Variants in SLC9B1 observed in about 807,000 individuals in gnomAD.
SLC9B1 encodes the protein sodium/hydrogen exchanger 9B1.
In SLC9B1, 32 loss-of-function variants were observed where a neutral mutation model predicts 51.7. That is an observed-to-expected ratio of 0.62 (90% CI 0.47 to 0.83). The LOEUF (loss-of-function observed/expected upper bound fraction) is 0.83. Among genes scored for constraint, SLC9B1 ranks in the 40% least tolerant of loss-of-function variants. The pLI, the probability that SLC9B1 is intolerant of heterozygous loss-of-function variation, is 0.00. For missense variants in SLC9B1, 406 were observed against 613.2 expected (o/e 0.66, Z 3.57); for synonymous variants, 145 against 212.7 (o/e 0.68, Z 2.77).
intron 1 of SLC9B1, among the ~76,000 whole-genome samples, chr4:102,996,080 G>T (rs931717062): frequency 5.9e-5 from 9 of 152,050 alleles, no homozygotes; most frequent in African/African-American, 1.9e-4. Flanking sequence ...GTCAACTTTA[G>T]TATTGTCTCT....
At chr4:102,941,406 CT>C (rs1375921154) in intron 6 of SLC9B1, 1 of 450,050 alleles carries the variant, frequency 2.2e-6, no homozygotes, top group African/African-American at 2.0e-5. Flanking sequence ...TTCAACATCA[CT>C]AACATTAGAG....
At chr4:102,925,457 C>G (rs1437947095) in intron 7 of SLC9B1, among the ~76,000 whole-genome samples, 1 of 151,938 alleles carries the variant, frequency 6.6e-6, no homozygotes, top group African/African-American at 2.4e-5. Context: ...ATGTAAATGA[C>G]GAGTTAATGG....
chr4:102,991,859 C>T (rs953736863), intron 1 of SLC9B1, 147 bp from the exon 2 acceptor site: 23 of 531,244 alleles, frequency 4.3e-5, no homozygotes, highest in African/African-American at 3.9e-4. Context: ...TTATAGTCAA[C>T]ATAGATCCAA....
chr4:102,975,932 T>C (rs998671717), intron 3 of SLC9B1, among the ~76,000 whole-genome samples: 5 of 151,748 alleles, frequency 3.3e-5, no homozygotes, highest in African/African-American at 9.7e-5. Context: ...TGAGACCACA[T>C]AGAAAAACTA....
At chr4:103,018,999 T>C (rs1416076595) in intron 1 of SLC9B1, among the ~76,000 whole-genome samples, 1 of 152,204 alleles carries the variant, frequency 6.6e-6, no homozygotes, top group Non-Finnish European at 1.5e-5. Context: ...TAATGCCTGA[T>C]GATCTGAGAT....
chr4:102,961,217 G>A (rs1374642272), intron 3 of SLC9B1, among the ~76,000 whole-genome samples: 2 of 152,078 alleles, frequency 1.3e-5, no homozygotes, highest in Non-Finnish European at 2.9e-5. Context: ...AAAGAATTTT[G>A]CGTACAAGGA....
At chr4:103,003,621 C>G (rs1335578533) in intron 1 of SLC9B1, among the ~76,000 whole-genome samples, 1 of 152,204 alleles carries the variant, frequency 6.6e-6, no homozygotes, top group East Asian at 1.9e-4. Context: ...GCTGAGGCAG[C>G]TGGCATGTGT....
exon 12 of SLC9B1, chr4:102,885,143 G>A: frequency 8.8e-7 from 1 of 1,137,516 alleles, no homozygotes; most frequent in East Asian, 2.4e-5. Context: ...ATAAGCTCAA[G>A]GATGAAACTA....
In SLC9B1 at chr4:102,972,524, G is replaced by A. The variant is rs147372947; in HGVS notation, c.211+17276C>T. Among the ~76,000 whole-genome samples, 111 of 152,312 alleles carry A rather than the reference G, an allele frequency of 7.3e-4. 1 individual carries two copies. The East Asian group carries it at 0.018, about 25-fold the overall frequency. On this transcript the variant is annotated intron_variant, in intron 3 of 11. Transcript: ENST00000296422. ...GCCTCCCAAAGTGCTAGGATTACAG[G>A]TGTGAGCCACTGTGCCTGGCCAATC... is the stretch of plus-strand genomic sequence containing the variant.
intron 7 of SLC9B1, among the ~76,000 whole-genome samples, chr4:102,928,938 G>A (rs1427407847): frequency 6.6e-6 from 1 of 152,154 alleles, no homozygotes; most frequent in African/African-American, 2.4e-5. Flanking sequence ...GGAGAAAGAT[G>A]AGGGCCAGAA....
intron 7 of SLC9B1, among the ~76,000 whole-genome samples, chr4:102,917,780 G>A (rs1434681527): frequency 6.6e-6 from 1 of 152,110 alleles, no homozygotes; most frequent in Non-Finnish European, 1.5e-5. Context: ...ATAAAGTCTA[G>A]AGCAGAAGGC....
intron 1 of SLC9B1, among the ~76,000 whole-genome samples, chr4:103,017,295 C>T (rs1243788342): frequency 3.3e-5 from 5 of 152,192 alleles, no homozygotes; most frequent in Non-Finnish European, 7.3e-5. Context: ...TTGCTCCCCA[C>T]CCAGTATGAT....
intron 1 of SLC9B1, among the ~76,000 whole-genome samples, chr4:103,005,230 AAAGG>A (rs1431822820): frequency 5.3e-5 from 8 of 150,936 alleles, no homozygotes; most frequent in African/African-American, 2.0e-4. Context: ...AGCTCAAAGT[AAAGG>A]AATAGAGAAA....
intron 3 of SLC9B1, among the ~76,000 whole-genome samples, chr4:102,963,531 C>T (rs1395941711): frequency 6.6e-6 from 1 of 152,204 alleles, no homozygotes; most frequent in African/African-American, 2.4e-5. Context: ...TATGCCCACT[C>T]CTTCTTCTCT....
intron 7 of SLC9B1, among the ~76,000 whole-genome samples, chr4:102,929,059 G>A (rs1736324249): frequency 6.6e-6 from 1 of 152,126 alleles, no homozygotes; most frequent in Admixed American, 6.5e-5. Flanking sequence ...GCCTCTCCCA[G>A]TCCACTAAAT....
rs118102253 is a variant in SLC9B1, at chr4:102,945,025, G to A, written c.653+168C>T. 2.0e-4 allele frequency among the ~76,000 whole-genome samples: 30 copies of A among 152,224 alleles called. No individual in the cohort carries two copies. In the East Asian group the frequency reaches 5.8e-3, roughly 29 times the overall value. ...TATGAATGTTTGTTAAAAAAATTTCGTACAATTTGGGACATGGCTCTGCTT... is the reference window on the plus strand; with the variant it reads ...TATGAATGTTTGTTAAAAAAATTTCATACAATTTGGGACATGGCTCTGCTT... On this transcript the variant is annotated intron_variant, in intron 6 of 11. Transcript: ENST00000296422.
intron 11 of SLC9B1, chr4:102,892,897 C>G (rs192177246): frequency 9.5e-4 from 144 of 152,172 alleles, no homozygotes; most frequent in African/African-American, 3.4e-3. Context: ...CACATCCATT[C>G]AACAAATTAA....
intron 3 of SLC9B1, among the ~76,000 whole-genome samples, chr4:102,971,896 G>T (rs1407398750): frequency 6.6e-6 from 1 of 152,072 alleles, no homozygotes; most frequent in East Asian, 1.9e-4. Context: ...TAGAAGAAAT[G>T]GATAAATTGC....
chr4:102,995,046 G>T (rs1393679627), intron 1 of SLC9B1, among the ~76,000 whole-genome samples: 1 of 152,188 alleles, frequency 6.6e-6, no homozygotes, highest in Non-Finnish European at 1.5e-5. Context: ...CACCTAAGTT[G>T]TGTCATGTTC....
Sources: allele counts gnomAD v4.1 joint callset (sites outside exome capture counted in the v4.1 genomes callset), GRCh38; gene constraint gnomAD v4.1.1; transcripts MANE v1.5; gene names NCBI Gene and HGNC (gene_info 2026-07-23, HGNC 2026-07-21).